CHLSN: variants seen among roughly 807,000 people sequenced by gnomAD.
CHLSN encodes the protein cholesin, also known as protein cholesin.
chr7:1,079,708 C>A, the CHLSN span, among the ~76,000 whole-genome samples: 1 of 152,254 alleles, frequency 6.6e-6, no homozygotes, highest in South Asian at 2.1e-4. Flanking sequence ...TGGGAGGGCT[C>A]AGGGGCAGGG....
the CHLSN span, among the ~76,000 whole-genome samples, chr7:1,001,645 G>C: frequency 8.5e-6 from 1 of 117,556 alleles, no homozygotes; most frequent in South Asian, 3.3e-4. Flanking sequence ...GGGGAGTCCT[G>C]TGGGTGAGTG....
chr7:979,714 C>G, the CHLSN span, among the ~76,000 whole-genome samples: 1 of 150,376 alleles, frequency 6.6e-6, no homozygotes, highest in East Asian at 1.9e-4. Context: ...GCCTGGGCAA[C>G]AGAGAGGGAA....
At chr7:1,058,468 A>G in the CHLSN span, 1 of 780,288 alleles carries the variant, frequency 1.3e-6, no homozygotes, top group Non-Finnish European at 2.4e-6. Context: ...CCCTGCGGGG[A>G]CCGGCACTGC....
At chr7:1,076,521 C>T in the CHLSN span, among the ~76,000 whole-genome samples, 2 of 152,236 alleles carry the variant, frequency 1.3e-5, no homozygotes, top group African/African-American at 4.8e-5. Flanking sequence ...GGACTGGGCA[C>T]CGTGTAAAGA....
chr7:1,116,151 AC>A, the CHLSN span, among the ~76,000 whole-genome samples: 1 of 118,532 alleles, frequency 8.4e-6, no homozygotes, highest in Admixed American at 9.0e-5. Context: ...CTACAGCTCT[AC>A]GGACCGGCTT....
At chr7:1,070,307 G>A in the CHLSN span, among the ~76,000 whole-genome samples, 1 of 141,686 alleles carries the variant, frequency 7.1e-6, no homozygotes, top group Non-Finnish European at 1.6e-5. Context: ...GGAGGGAGGT[G>A]GGGGGTCAGC....
At chr7:1,099,601 T>C in the CHLSN span, among the ~76,000 whole-genome samples, 1 of 152,216 alleles carries the variant, frequency 6.6e-6, no homozygotes, top group Non-Finnish European at 1.5e-5. Context: ...AAATTAAAAA[T>C]GGAGGAAAAG....
the CHLSN span, among the ~76,000 whole-genome samples, chr7:979,899 C>T: frequency 6.6e-6 from 1 of 152,138 alleles, no homozygotes; most frequent in Non-Finnish European, 1.5e-5. Flanking sequence ...TTCTGGAAAC[C>T]GGGTCACTGA....
At chr7:1,105,139 G>C in the CHLSN span, among the ~76,000 whole-genome samples, 7 of 152,180 alleles carry the variant, frequency 4.6e-5, no homozygotes, top group African/African-American at 1.7e-4. Context: ...TGGGTAAAAG[G>C]GCCAGGGCAG....
At chr7:1,092,673 CA>C in the CHLSN span, 2 of 1,613,360 alleles carry the variant, frequency 1.2e-6, no homozygotes, top group Non-Finnish European at 1.7e-6. Flanking sequence ...CCGCCTTCTC[CA>C]ACAGCTGCCT....
At chr7:987,021 A>G in the CHLSN span, 1 of 1,414,348 alleles carries the variant, frequency 7.1e-7, no homozygotes, top group Non-Finnish European at 9.2e-7. Context: ...CGGGGCATCC[A>G]TAGTGGAGCC....
At chr7:1,086,853 C>T in the CHLSN span, 2 of 152,394 alleles carry the variant, frequency 1.3e-5, no homozygotes, top group Non-Finnish European at 2.9e-5. Flanking sequence ...CATTCAATCT[C>T]ACCACTTCAA....
the CHLSN span, chr7:1,028,917 A>G: frequency 2.4e-6 from 1 of 418,094 alleles, no homozygotes; most frequent in Non-Finnish European, 2.7e-6. Flanking sequence ...CATCTCCCCC[A>G]GTCTGCCCCC....
chr7:1,123,090 C>T, the CHLSN span, among the ~76,000 whole-genome samples: 11 of 152,318 alleles, frequency 7.2e-5, 1 homozygote, highest in South Asian at 2.3e-3. This position sits in a 1 kb window ranked among gnomAD's most constrained non-coding sequence, Gnocchi z 4.4. Context: ...ACCCTGAGGC[C>T]CTGGTGCCCA....
chr7:1,032,274 A>G, the CHLSN span, among the ~76,000 whole-genome samples: 1 of 152,202 alleles, frequency 6.6e-6, no homozygotes. Context: ...GGGGCTGAGG[A>G]TGAAGCCCCC....
the CHLSN span, chr7:988,601 T>C: frequency 1.2e-6 from 2 of 1,602,332 alleles, no homozygotes; most frequent in Non-Finnish European, 1.7e-6. Flanking sequence ...GCAGGCCTGG[T>C]GCAGCCCACT....
At chr7:1,099,030 G>A in the CHLSN span, among the ~76,000 whole-genome samples, 1 of 152,264 alleles carries the variant, frequency 6.6e-6, no homozygotes, top group African/African-American at 2.4e-5. Context: ...CCATTCAAGC[G>A]CCGGGCTGTG....
chr7:1,122,532 G>C, the CHLSN span, among the ~76,000 whole-genome samples: 1 of 152,232 alleles, frequency 6.6e-6, no homozygotes, highest in Non-Finnish European at 1.5e-5. Context: ...GACTGGAGAG[G>C]CAGGGGGAGG....
At chr7:1,000,581 T>C in the CHLSN span, 1 of 1,571,148 alleles carries the variant, frequency 6.4e-7, no homozygotes, top group Non-Finnish European at 8.7e-7. Flanking sequence ...CATCTCAGGG[T>C]GCTGGGCAAA....
Sources: gnomAD v4.1 joint callset for allele counts (sites outside exome capture counted in the v4.1 genomes callset) on GRCh38, gnomAD v4.1.1 for gene constraint, Gnocchi (gnomAD v3.1) non-coding constraint, MANE v1.5 for transcripts, NCBI Gene and HGNC (gene_info 2026-07-23, HGNC 2026-07-21) for gene names.